ACTL6A: variants seen among roughly 807,000 people sequenced by gnomAD.
ACTL6A encodes actin-like protein 6A.
A neutral mutation model predicts 59.2 loss-of-function variants in ACTL6A; 5 were observed. That is an observed-to-expected ratio of 0.08 (90% confidence interval 0.04 to 0.18). The LOEUF is 0.18. Among genes scored for constraint, ACTL6A ranks in the 10% least tolerant of loss-of-function variants. The pLI is 1.00. For missense variants in ACTL6A, 285 were observed against 526.9 expected (o/e 0.54, Z 4.49); for synonymous variants, 154 against 171.8 (o/e 0.90, Z 0.81).
chr3:179,585,593 C>T (rs1349297264), intron 12 of ACTL6A, among the ~76,000 whole-genome samples: 1 of 152,114 alleles, frequency 6.6e-6, no homozygotes, highest in Non-Finnish European at 1.5e-5. Context: ...CCCATGTTTA[C>T]CCTATCCCCA....
At chr3:179,563,674 C>G (rs1436517767) in intron 1 of ACTL6A, among the ~76,000 whole-genome samples, 1 of 152,246 alleles carries the variant, frequency 6.6e-6, no homozygotes, top group Non-Finnish European at 1.5e-5. Context: ...GCCCCATGCG[C>G]GAGCTGCCTC....
chr3:179,563,646 T>G (rs1717741125), intron 1 of ACTL6A, among the ~76,000 whole-genome samples: 1 of 152,244 alleles, frequency 6.6e-6, no homozygotes, highest in African/African-American at 2.4e-5. Flanking sequence ...CTTAGGGTAC[T>G]GCCTCCTCCC....
At chr3:179,583,720 T>C (rs1318837151) in intron 12 of ACTL6A, 2 of 249,106 alleles carry the variant, frequency 8.0e-6, no homozygotes, top group Admixed American at 1.0e-4. Flanking sequence ...TCTACTAGGA[T>C]GGTTAGACAT....
chr3:179,576,537 C>G, intron 6 of ACTL6A, 83 bp from the exon 7 acceptor site: 1 of 1,076,836 alleles, frequency 9.3e-7, no homozygotes, highest in South Asian at 1.4e-5. Context: ...AAAAGTTATT[C>G]ACATAAATAC....
intron 5 of ACTL6A, chr3:179,575,149 A>G (rs1233015704): frequency 3.1e-6 from 1 of 321,420 alleles, no homozygotes; most frequent in Non-Finnish European, 6.0e-6. Context: ...AGCCTCTAAT[A>G]ATCTTTCTAA....
chr3:179,567,880 A>G (rs1717883897), intron 1 of ACTL6A, among the ~76,000 whole-genome samples: 1 of 152,186 alleles, frequency 6.6e-6, no homozygotes, highest in Non-Finnish European at 1.5e-5. Flanking sequence ...TTTTATTTGA[A>G]TAAAAATGAG....
rs1416745363 is a variant in ACTL6A, at chr3:179,583,354, G to A, written c.1028G>A (p.Gly343Asp). 6.2e-7 allele frequency: 1 copy of A among 1,607,404 alleles called. No homozygotes were observed. Among genetic ancestry groups the A allele is most frequent in the Non-Finnish European group, 8.5e-7 (1 of 1,175,854 alleles). The change falls in exon 12 of 14, where the codon GGT becomes GAT. Residue 343 changes from glycine (G) to aspartate (D), a missense_variant and splice_region_variant. Transcript: ENST00000429709. Reference sequence around the variant, plus strand: ...ATTTTTCTTGTATTTTTATCCTAGGGTCTCTATGGCAGTGTAATAGTGGCA... The same window carrying A: ...ATTTTTCTTGTATTTTTATCCTAGGATCTCTATGGCAGTGTAATAGTGGCA... ...VGMCDIDIRP[G>D]LYGSVIVAGG... is the part of the protein sequence containing the mutation.
intron 8 of ACTL6A, among the ~76,000 whole-genome samples, chr3:179,578,767 A>T (rs1357616123): frequency 1.3e-5 from 2 of 152,108 alleles, no homozygotes; most frequent in Admixed American, 1.3e-4. Flanking sequence ...AGCATCTGTT[A>T]TTTATTTAAT....
chr3:179,572,621 A>G (rs531103531), intron 3 of ACTL6A, among the ~76,000 whole-genome samples: 3 of 152,318 alleles, frequency 2.0e-5, no homozygotes, highest in South Asian at 2.1e-4. Context: ...CCTGGCCAAC[A>G]TGGTGAAACC....
intron 11 of ACTL6A, 144 bp from the exon 12 acceptor site, chr3:179,583,209 A>T: frequency 1.9e-6 from 1 of 534,972 alleles, no homozygotes; most frequent in Non-Finnish European, 3.2e-6. Flanking sequence ...TTGATGGATT[A>T]AGCTATTAGT....
In ACTL6A at chr3:179,563,005, G is replaced by A; in HGVS notation, c.-88G>A. ...GGCGGTGGAAGTTAAGGGAGTCAGG[G>A]GCTATCGCTCCTCGAGACTCGCAGT... On this transcript the variant is annotated 5_prime_UTR_variant, in exon 1 of 14. Transcript: ENST00000429709. 6.5e-7 allele frequency: 1 copy of A among 1,541,932 alleles called. No homozygotes were observed. Among genetic ancestry groups the A allele is most frequent in the Admixed American group, 1.8e-5 (1 of 55,838 alleles).
At chr3:179,581,929 C>CATT (rs1718351580) in intron 11 of ACTL6A, among the ~76,000 whole-genome samples, 1 of 152,162 alleles carries the variant, frequency 6.6e-6, no homozygotes, top group East Asian at 1.9e-4. Flanking sequence ...ATATTGATGA[C>CATT]ATTAAATGAG....
At chr3:179,577,186 C>G (rs567246912) in intron 8 of ACTL6A, among the ~76,000 whole-genome samples, 54 of 152,176 alleles carry the variant, frequency 3.5e-4, no homozygotes, top group Non-Finnish European at 6.8e-4. Flanking sequence ...CTACAAATTA[C>G]TACATACTCA....
At chr3:179,575,535 CCTT>C in intron 5 of ACTL6A, 1 of 435,604 alleles carries the variant, frequency 2.3e-6, no homozygotes, top group Admixed American at 2.5e-5. Context: ...CTCCCTCCCT[CCTT>C]ATTAAGCACC....
At chr3:179,577,190 A>G (rs570980024) in intron 8 of ACTL6A, among the ~76,000 whole-genome samples, 2 of 152,270 alleles carry the variant, frequency 1.3e-5, no homozygotes, top group African/African-American at 4.8e-5. Flanking sequence ...AAATTACTAC[A>G]TACTCACTTG....
At chr3:179,577,922 T>G (rs1718218198) in intron 8 of ACTL6A, among the ~76,000 whole-genome samples, 1 of 152,198 alleles carries the variant, frequency 6.6e-6, no homozygotes, top group Non-Finnish European at 1.5e-5. Flanking sequence ...ATGTCTTTGC[T>G]ATTGTGAATA....
chr3:179,583,269 G>T (rs1718387620), intron 11 of ACTL6A, 84 bp from the exon 12 acceptor site: 1 of 1,050,958 alleles, frequency 9.5e-7, no homozygotes, highest in South Asian at 1.4e-5. Context: ...AATTGTAGTA[G>T]AGCACATGGT....
At chr3:179,566,349 A>G (rs1717834083) in intron 1 of ACTL6A, among the ~76,000 whole-genome samples, 1 of 152,226 alleles carries the variant, frequency 6.6e-6, no homozygotes, top group African/African-American at 2.4e-5. Flanking sequence ...AGCTCCTAAC[A>G]TAGGGTTTGT....
At position 179,574,323 on chromosome 3, in the gene ACTL6A, C is replaced by G. The variant is rs770486972; in HGVS notation, c.379-47C>G. 112 of 1,258,806 alleles carry G rather than the reference C, an allele frequency of 8.9e-5. 1 individual carries two copies. The East Asian group carries it at 2.6e-3, about 29-fold the overall frequency. The allele number at this position is 1,258,806 out of a possible 1,614,324, so 78.0% of individuals were successfully genotyped here. On this transcript the variant is annotated intron_variant, in intron 4 of 13. Transcript: ENST00000429709. ...TAGATTTTATCTGGAGATAAATCAA[C>G]TTTTTAATTCTTAATAACTTGCATT...
Sources: gnomAD v4.1 joint callset for allele counts (sites outside exome capture counted in the v4.1 genomes callset) on GRCh38, gnomAD v4.1.1 for gene constraint, MANE v1.5 for transcripts, NCBI Gene and HGNC (gene_info 2026-07-23, HGNC 2026-07-21) for gene names.